Variants in WDR44 observed in about 807,000 individuals in gnomAD.
The protein encoded by WDR44 is WD repeat domain 44.
A neutral mutation model predicts 65.7 loss-of-function variants in WDR44; 9 were observed. The ratio of observed to expected loss-of-function variants is 0.14; its 90% CI spans 0.08 to 0.24. The LOEUF is 0.24. Among genes scored for constraint, WDR44 ranks in the 10% least tolerant of loss-of-function variants. The pLI, the probability that WDR44 is intolerant of heterozygous loss-of-function variation, is 1.00. For synonymous variants in WDR44, 220 were observed against 235.2 expected (o/e 0.94, Z 0.59); for missense variants, 425 against 670.9 (o/e 0.63, Z 4.05).
intron 10 of WDR44, 139 bp from the exon 11 acceptor site, chrX:118,409,350 G>A (rs1602938336): frequency 7.1e-6 from 4 of 560,994 alleles, no homozygotes; most frequent in Non-Finnish European, 5.4e-6. Context: ...GGCTGGTCTC[G>A]AACTCCTGAC....
chrX:118,394,717 C>T (rs1357843501), intron 5 of WDR44, among the ~76,000 whole-genome samples: 1 of 111,192 alleles, frequency 9.0e-6, no homozygotes, highest in Non-Finnish European at 1.9e-5. Context: ...GGCCAGGCTA[C>T]CACACTAGAA....
At chrX:118,361,052 TA>T (rs751234193) in intron 1 of WDR44, among the ~76,000 whole-genome samples, 1 of 111,670 alleles carries the variant, frequency 9.0e-6, no homozygotes, top group African/African-American at 3.3e-5. Flanking sequence ...GACAGGAAAA[TA>T]AAAAGAGACC....
intron 12 of WDR44, among the ~76,000 whole-genome samples, chrX:118,425,646 T>C (rs1463556488): frequency 9.1e-6 from 1 of 110,442 alleles, no homozygotes; most frequent in African/African-American, 3.3e-5. Flanking sequence ...AGACTCCATC[T>C]CAAAAAAAAA....
intron 2 of WDR44, 27 bp downstream of exon 2, chrX:118,378,479 T>A (rs1385804675): frequency 5.1e-6 from 6 of 1,172,262 alleles, no homozygotes; most frequent in Middle Eastern, 2.4e-4. Flanking sequence ...GAAAGTTATG[T>A]TTTTAGAAAT....
intron 12 of WDR44, among the ~76,000 whole-genome samples, chrX:118,432,152 G>T (rs1372471306): frequency 1.8e-5 from 2 of 111,571 alleles, no homozygotes; most frequent in African/African-American, 6.5e-5. Context: ...TTCCAGGGTT[G>T]GTTAATTCAG....
At chrX:118,378,309 C>A in intron 1 of WDR44, 110 bp from the exon 2 acceptor site, 1 of 655,995 alleles carries the variant, frequency 1.5e-6, no homozygotes, top group Non-Finnish European at 2.3e-6. Context: ...TTTTCAGTCA[C>A]AAAATATATA....
intron 13 of WDR44, among the ~76,000 whole-genome samples, chrX:118,434,221 C>T (rs1227995148): frequency 1.8e-5 from 2 of 112,033 alleles, no homozygotes; most frequent in Non-Finnish European, 3.8e-5. Flanking sequence ...TAGTATCTAT[C>T]CAGCTACCTA....
rs753967103 is a variant in WDR44 at position 118,393,284 on chromosome X, TGAGA to T, written c.826+14_826+17del. The stretch of plus-strand genomic sequence containing the variant: ...CCTGATATAGATGGCAAGTATTAAT[TGAGA>T]AATCACTCTGTTGGTTGGGCACAGT... On this transcript the variant is annotated intron_variant, in intron 4 of 19. Coordinates refer to ENST00000254029, the MANE Select transcript of WDR44 (RefSeq NM_019045.5). 4 of 1,173,507 alleles carry T rather than the reference TGAGA, an allele frequency of 3.4e-6. No homozygotes were observed. In the South Asian group the frequency reaches 7.6e-5, roughly 22 times the overall value.
intron 14 of WDR44, among the ~76,000 whole-genome samples, chrX:118,440,130 A>AAG (rs1455956375): frequency 9.2e-6 from 1 of 108,656 alleles, no homozygotes; most frequent in Admixed American, 1.0e-4. Context: ...CAAAAAAAAA[A>AAG]AAAAAGAAAG....
Position 118,448,970 on chromosome X carries a change from A to T in WDR44, c.2725A>T (p.Arg909Ter). 8.4e-7 allele frequency: 1 copy of T among 1,184,985 alleles called. No homozygotes were observed. The highest frequency in any genetic ancestry group is 1.1e-6 in the Non-Finnish European group (1 of 876,867). Reference sequence around the variant, plus strand: ...AGCAATCAAAGTGTTTGTTAATAAAAGAAAAAATGTATCTTAATTTGAAAT... The same window carrying T: ...AGCAATCAAAGTGTTTGTTAATAAATGAAAAAATGTATCTTAATTTGAAAT... ...TGAIKVFVNK[R>*]KNVS Residue 909 changes from arginine to a stop codon, truncating the protein, a stop_gained, in exon 20 of 20, where the codon AGA (arginine) becomes TGA (stop). Transcript: ENST00000254029. LOFTEE classifies it high-confidence loss of function.
chrX:118,409,657 A>C, intron 11 of WDR44, 30 bp downstream of exon 11: 1 of 1,149,215 alleles, frequency 8.7e-7, no homozygotes, highest in Non-Finnish European at 1.2e-6. Context: ...AAATCTACAG[A>C]AACCTGAAGT....
chrX:118,402,458 A>G (rs4825576), intron 8 of WDR44, among the ~76,000 whole-genome samples: 870 of 85,296 alleles, frequency 0.01, 23 homozygotes, highest in African/African-American at 0.043. Flanking sequence ...AAAAAAAAAA[A>G]ACATTCAGGA....
Position 118,427,219 on chromosome X carries a change from A to G in WDR44, c.1738-5562A>G, listed in dbSNP as rs894561440. Among the ~76,000 whole-genome samples the G allele has an allele frequency of 3.0e-5, 3 of 100,220 alleles. No individual in the cohort carries two copies. The Admixed American group carries it at 3.3e-4, about 11-fold the overall frequency. 87.0% of individuals were successfully genotyped at this position (100,220 alleles called of 115,157 possible). A position where few individuals can be genotyped will look rare whatever the true frequency, so the allele number is the denominator to read the frequency against. On this transcript the variant is annotated intron_variant, in intron 12 of 19. Coordinates refer to ENST00000254029, the MANE Select transcript of WDR44 (RefSeq NM_019045.5). ...ACTTCTGGGTTCAAGCAATCCTCCC[A>G]CCTCAGTCTCCTGGGTAGCTTGTGC...
intron 8 of WDR44, 96 bp downstream of exon 8, chrX:118,398,566 TTA>T (rs2056885981): frequency 2.8e-6 from 2 of 704,315 alleles, no homozygotes; most frequent in East Asian, 3.5e-5. Flanking sequence ...CATGTAGTTT[TTA>T]TGTCTACCCA....
chrX:118,424,120 G>A (rs1338498968), intron 12 of WDR44, among the ~76,000 whole-genome samples: 1 of 108,335 alleles, frequency 9.2e-6, no homozygotes, highest in African/African-American at 3.4e-5. Context: ...ATACCCAGAA[G>A]TGGAATTGCA....
intron 13 of WDR44, among the ~76,000 whole-genome samples, chrX:118,434,308 C>T (rs1017946781): frequency 7.2e-5 from 8 of 110,864 alleles, no homozygotes; most frequent in African/African-American, 1.3e-4. Context: ...TGGTCCTTGA[C>T]GATACAAATA....
intron 18 of WDR44, 25 bp from the exon 19 acceptor site, chrX:118,444,335 A>G (rs1313671907): frequency 8.3e-7 from 1 of 1,197,869 alleles, no homozygotes; most frequent in Non-Finnish European, 1.1e-6. Flanking sequence ...TTTGTCAGTT[A>G]TCCTGAAGTA....
chrX:118,420,548 C>T (rs1036564332), intron 12 of WDR44, among the ~76,000 whole-genome samples: 9 of 111,928 alleles, frequency 8.0e-5, no homozygotes, highest in African/African-American at 2.6e-4. Context: ...CCACCATGCC[C>T]AGCCTTGCGG....
intron 14 of WDR44, among the ~76,000 whole-genome samples, chrX:118,440,583 G>A (rs949796333): frequency 9.0e-6 from 1 of 111,071 alleles, no homozygotes; most frequent in Non-Finnish European, 1.9e-5. Context: ...CCCATAGCAT[G>A]TTCCTGAAAG....
Sources: gnomAD v4.1 joint callset for allele counts (sites outside exome capture counted in the v4.1 genomes callset) on GRCh38, gnomAD v4.1.1 for gene constraint, MANE v1.5 for transcripts, NCBI Gene and HGNC (gene_info 2026-07-23, HGNC 2026-07-21) for gene names.